GLCCI1: variants seen among roughly 807,000 people sequenced by gnomAD.
GLCCI1 encodes the protein glucocorticoid induced 1.
Under a neutral mutation model 52.2 loss-of-function variants are expected in GLCCI1, and 24 were observed. The ratio of observed to expected loss-of-function variants is 0.46; its 90% CI spans 0.33 to 0.65. The LOEUF (loss-of-function observed/expected upper bound fraction) is 0.65. Ranked by LOEUF, GLCCI1 falls within the 30% of genes least tolerant of loss-of-function variation. The pLI is 0.02. For missense variants in GLCCI1, 704 were observed against 701.5 expected (o/e 1.00, Z -0.04); for synonymous variants, 310 against 276.5 (o/e 1.12, Z -1.20).
chr7:8,036,131 CA>C, intron 3 of GLCCI1, among the ~76,000 whole-genome samples: 1 of 152,312 alleles, frequency 6.6e-6, no homozygotes, highest in East Asian at 1.9e-4. Flanking sequence ...TTAAATTGCA[CA>C]ACCCAATACA....
Position 8,088,424 on chromosome 7 carries a change from C to A in GLCCI1, c.*1886C>A, listed in dbSNP as rs549144659. On this transcript the variant is annotated 3_prime_UTR_variant, in exon 8 of 8. Transcript: ENST00000223145. ...TGGAAAAAAGGACTCAGTTTACTTT[C>A]GTCATTTTCACAGGGGAACCTTTTA... is the stretch of plus-strand genomic sequence containing the variant. 6.6e-6 allele frequency: 1 copy of A among 152,474 alleles called. No individual in the cohort carries two copies. The highest frequency in any genetic ancestry group is 6.6e-5 in the Admixed American group (1 of 15,258). 9.4% of individuals were successfully genotyped at this position (152,474 alleles called of 1,614,324 possible). A position where few individuals can be genotyped will look rare whatever the true frequency, so the allele number is the denominator to read the frequency against.
chr7:8,044,181 G>A (rs1163303497), intron 3 of GLCCI1, among the ~76,000 whole-genome samples: 1 of 151,970 alleles, frequency 6.6e-6, no homozygotes, highest in African/African-American at 2.4e-5. Context: ...TCCTGACCTC[G>A]CGATCCACCT....
rs1554257004 is a variant in GLCCI1, at chr7:7,969,360, G to C, written c.10G>C (p.Ala4Pro). Residue 4 changes from alanine to proline, a missense_variant, in exon 1 of 8, where the codon GCC becomes CCC. Transcript: ENST00000223145. This position sits in a 1 kb window ranked among gnomAD's most constrained non-coding sequence, Gnocchi z 4.9. MST[A>P]SSSSSSSSSQ... is the part of the protein sequence containing the mutation. ...GGCCCGCAGAGCCACCATGTCCACTGCCTCCTCCTCCTCCTCCTCCAGTTC... is the reference window on the plus strand; with the variant it reads ...GGCCCGCAGAGCCACCATGTCCACTCCCTCCTCCTCCTCCTCCTCCAGTTC... 1.4e-6 allele frequency: 2 copies of C among 1,465,650 alleles called. No homozygotes were observed. The highest frequency in any genetic ancestry group is 2.5e-5 in the South Asian group (2 of 80,262). 90.8% of individuals were successfully genotyped at this position (1,465,650 alleles called of 1,614,324 possible).
At position 8,009,444 on chromosome 7, in the gene GLCCI1, C is replaced by G. The variant is rs146994445; in HGVS notation, c.609+5385C>G. Among the ~76,000 whole-genome samples the G allele has an allele frequency of 2.4e-3, 370 of 152,210 alleles. 2 individuals carry two copies. The highest frequency in any genetic ancestry group is 3.8e-3 in the Non-Finnish European group (257 of 68,010). ...ATACAGCAATAATCAGAGGTATTTC[C>G]TACAACTTCCCAGGTATAGTAATGA... On this transcript the variant is annotated intron_variant, in intron 2 of 7. Transcript: ENST00000223145.
chr7:8,022,392 A>G (rs1781514867), intron 2 of GLCCI1, 91 bp from the exon 3 acceptor site: 2 of 606,994 alleles, frequency 3.3e-6, no homozygotes, highest in Admixed American at 7.7e-5. Flanking sequence ...CTAACTGGTA[A>G]GTGCTAAGAA....
intron 6 of GLCCI1, 123 bp from the exon 7 acceptor site, chr7:8,084,774 T>A (rs1488942804): frequency 3.3e-6 from 3 of 900,898 alleles, no homozygotes; most frequent in Non-Finnish European, 5.0e-6. Context: ...AGCTTTGCAA[T>A]AAAGGAGACT....
At chr7:8,036,211 C>T (rs1488216567) in intron 3 of GLCCI1, among the ~76,000 whole-genome samples, 3 of 152,160 alleles carry the variant, frequency 2.0e-5, no homozygotes, top group Non-Finnish European at 4.4e-5. Context: ...ACCATCCTGG[C>T]CCAAGAGGCA....
intron 2 of GLCCI1, among the ~76,000 whole-genome samples, chr7:8,020,820 A>G (rs1020300979): frequency 6.6e-6 from 1 of 152,228 alleles, no homozygotes; most frequent in African/African-American, 2.4e-5. Flanking sequence ...TATCAAAATA[A>G]AAGTGACTAA....
intron 5 of GLCCI1, among the ~76,000 whole-genome samples, chr7:8,068,526 A>G (rs1782683227): frequency 6.6e-6 from 1 of 152,156 alleles, no homozygotes; most frequent in African/African-American, 2.4e-5. Flanking sequence ...CCATTTCATC[A>G]ATCAGCTCCT....
chr7:8,004,597 A>G (rs1296032972), intron 2 of GLCCI1, among the ~76,000 whole-genome samples: 6 of 152,230 alleles, frequency 3.9e-5, no homozygotes, highest in Non-Finnish European at 5.9e-5. Context: ...ATCTGAAAAC[A>G]TCTTTATTCA....
chr7:7,971,138 A>G (rs1780345947), intron 1 of GLCCI1, among the ~76,000 whole-genome samples: 1 of 152,182 alleles, frequency 6.6e-6, no homozygotes, highest in African/African-American at 2.4e-5. Context: ...ATGAGCAGCA[A>G]GAAATACATC....
chr7:8,023,084 T>C (rs1018555725), intron 3 of GLCCI1, among the ~76,000 whole-genome samples: 1 of 152,184 alleles, frequency 6.6e-6, no homozygotes, highest in African/African-American at 2.4e-5. Flanking sequence ...GGCGCAATCT[T>C]GGCTTACTGC....
chr7:8,079,984 TG>T (rs1782962510), intron 6 of GLCCI1, among the ~76,000 whole-genome samples: 1 of 151,566 alleles, frequency 6.6e-6, no homozygotes. Flanking sequence ...GTGTTAACTT[TG>T]AATTTTAGAA....
In GLCCI1 at chr7:8,060,270, G is replaced by T. The variant is rs373458041; in HGVS notation, c.966+22G>T. On this transcript the variant is annotated intron_variant, in intron 5 of 7. Coordinates refer to ENST00000223145, the MANE Select transcript of GLCCI1 (RefSeq NM_138426.4). ...CAAGGTAAGGTTACATGGGATATTT[G>T]AATCCTTTTTTTCTCTGATATAACG... is the stretch of plus-strand genomic sequence containing the variant. 4.2e-5 allele frequency: 66 copies of T among 1,587,508 alleles called. No homozygotes were observed. In the African/African-American group the frequency reaches 8.6e-4, roughly 21 times the overall value.
chr7:7,992,483 C>G (rs1780861300), intron 1 of GLCCI1, among the ~76,000 whole-genome samples: 1 of 152,096 alleles, frequency 6.6e-6, no homozygotes, highest in East Asian at 1.9e-4. Flanking sequence ...GTAGCAAGAA[C>G]TCAGATATAG....
chr7:8,087,664 C>T lies in GLCCI1; in HGVS notation c.*1126C>T, dbSNP rs185192431. The T allele has an allele frequency of 7.2e-5, 11 of 152,698 alleles. No individual in the cohort carries two copies. The highest frequency in any genetic ancestry group is 3.4e-3 in the Middle Eastern group (1 of 294). 9.5% of individuals were successfully genotyped at this position (152,698 alleles called of 1,614,324 possible). ...ACATACTTTTTGTTATTGTCTTCCTCAAGCAGTTTAGGTGCATGATCTTCA... is the reference window on the plus strand; with the variant it reads ...ACATACTTTTTGTTATTGTCTTCCTTAAGCAGTTTAGGTGCATGATCTTCA... On this transcript the variant is annotated 3_prime_UTR_variant, in exon 8 of 8. Coordinates refer to ENST00000223145, the MANE Select transcript of GLCCI1 (RefSeq NM_138426.4).
intron 1 of GLCCI1, among the ~76,000 whole-genome samples, chr7:7,998,559 T>C (rs1019165908): frequency 1.3e-5 from 2 of 152,212 alleles, no homozygotes; most frequent in Non-Finnish European, 1.5e-5. Flanking sequence ...TTTATTTGCA[T>C]GCAAAATGCC....
chr7:8,085,138 T>A, intron 7 of GLCCI1, 121 bp downstream of exon 7: 1 of 1,107,126 alleles, frequency 9.0e-7, no homozygotes, highest in Non-Finnish European at 1.3e-6. Context: ...AAGAGCAAAT[T>A]ATGTAAAGAG....
At chr7:7,978,863 A>G (rs1025208334) in intron 1 of GLCCI1, among the ~76,000 whole-genome samples, 1 of 152,200 alleles carries the variant, frequency 6.6e-6, no homozygotes. Context: ...TTGTGAAGTG[A>G]TCTTTCTATG....
Sources: allele counts gnomAD v4.1 joint callset (sites outside exome capture counted in the v4.1 genomes callset), GRCh38; gene constraint gnomAD v4.1.1; non-coding constraint Gnocchi (gnomAD v3.1); transcripts MANE v1.5; gene names NCBI Gene and HGNC (gene_info 2026-07-23, HGNC 2026-07-21).